Variants in TCERG1L observed in about 807,000 individuals in gnomAD.
The protein encoded by TCERG1L is transcription elongation regulator 1-like protein.
A neutral mutation model predicts 56.3 loss-of-function variants in TCERG1L; 37 were observed. The ratio of observed to expected loss-of-function variants is 0.66; its 90% CI spans 0.51 to 0.87. The LOEUF (loss-of-function observed/expected upper bound fraction) is 0.87. Among genes scored for constraint, TCERG1L ranks in the 40% least tolerant of loss-of-function variants. TCERG1L has a pLI of 0.00. For missense variants in TCERG1L, 799 were observed against 774.2 expected, an observed-to-expected ratio of 1.03 and a Z score of -0.38; for synonymous variants, 324 against 326.3, an observed-to-expected ratio of 0.99 and a Z score of 0.08.
At chr10:131,182,462 T>C (rs1466447879) in intron 4 of TCERG1L, among the ~76,000 whole-genome samples, 2 of 152,240 alleles carry the variant, frequency 1.3e-5, no homozygotes, top group African/African-American at 4.8e-5. Flanking sequence ...AAATCAGGAT[T>C]TGTGATAAAT....
chr10:131,166,937 G>T, intron 4 of TCERG1L, 52 bp from the exon 5 acceptor site: 1 of 1,533,262 alleles, frequency 6.5e-7, no homozygotes, highest in South Asian at 1.2e-5. Flanking sequence ...CAGTAGTTTG[G>T]AAAACCTAAG....
At chr10:131,282,460 C>A (rs80196203) in intron 3 of TCERG1L, among the ~76,000 whole-genome samples, 1 of 149,482 alleles carries the variant, frequency 6.7e-6, no homozygotes, top group African/African-American at 2.5e-5. Flanking sequence ...CTACAGAAAC[C>A]AGCGAAAGTA....
chr10:131,243,435 G>C (rs777035079), intron 4 of TCERG1L, among the ~76,000 whole-genome samples: 3 of 152,108 alleles, frequency 2.0e-5, no homozygotes, highest in Non-Finnish European at 4.4e-5. Context: ...ACAGAAATTA[G>C]CTCGGTGTAG....
chr10:131,294,064 T>C (rs767325651), intron 3 of TCERG1L, among the ~76,000 whole-genome samples: 5 of 152,202 alleles, frequency 3.3e-5, no homozygotes, highest in Non-Finnish European at 5.9e-5. Flanking sequence ...TTCTTTAACT[T>C]TTATTATGAA....
chr10:131,177,373 C>T (rs1326110914), intron 4 of TCERG1L, among the ~76,000 whole-genome samples: 6 of 152,286 alleles, frequency 3.9e-5, no homozygotes, highest in African/African-American at 1.4e-4. Context: ...GTCTGCTGCT[C>T]TGTGCCCTCC....
intron 4 of TCERG1L, among the ~76,000 whole-genome samples, chr10:131,193,710 T>C (rs1464215044): frequency 6.6e-6 from 1 of 152,252 alleles, no homozygotes; most frequent in Non-Finnish European, 1.5e-5. Context: ...GGTCTATTTT[T>C]GTACCAGTAC....
At chr10:131,142,444 A>G (rs1845748849) in intron 7 of TCERG1L, among the ~76,000 whole-genome samples, 1 of 152,234 alleles carries the variant, frequency 6.6e-6, no homozygotes, top group Non-Finnish European at 1.5e-5. Flanking sequence ...TACTCACCGG[A>G]CAATTTTACA....
At chr10:131,110,557 G>A (rs918991515) in intron 9 of TCERG1L, among the ~76,000 whole-genome samples, 6 of 152,350 alleles carry the variant, frequency 3.9e-5, no homozygotes, top group Non-Finnish European at 7.3e-5. Flanking sequence ...CCCGAGCCCA[G>A]CACTGTCCAC....
At chr10:131,209,409 T>C (rs1432953390) in intron 4 of TCERG1L, among the ~76,000 whole-genome samples, 1 of 152,230 alleles carries the variant, frequency 6.6e-6, no homozygotes, top group African/African-American at 2.4e-5. Flanking sequence ...TAAGGGGAAG[T>C]GGATACCTGT....
chr10:131,309,361 C>T (rs1846853642), intron 1 of TCERG1L, 62 bp from the exon 2 acceptor site: 2 of 1,539,552 alleles, frequency 1.3e-6, no homozygotes, highest in Non-Finnish European at 1.7e-6. Flanking sequence ...GACTTCATGC[C>T]AAAACATGCT....
intron 3 of TCERG1L, among the ~76,000 whole-genome samples, chr10:131,283,710 G>C (rs1218172388): frequency 6.6e-6 from 1 of 152,136 alleles, no homozygotes; most frequent in Non-Finnish European, 1.5e-5. Context: ...TAAAATAATT[G>C]TTGAAATGTA....
At chr10:131,242,493 C>T (rs1052459875) in intron 4 of TCERG1L, among the ~76,000 whole-genome samples, 11 of 152,258 alleles carry the variant, frequency 7.2e-5, no homozygotes, top group African/African-American at 2.6e-4. Context: ...GTGCGGGTTT[C>T]ACTCTGATAC....
chr10:131,308,704 ACTT>A (rs1408279080), intron 2 of TCERG1L, among the ~76,000 whole-genome samples: 1 of 152,234 alleles, frequency 6.6e-6, no homozygotes, highest in Non-Finnish European at 1.5e-5. Flanking sequence ...TCAATACTTT[ACTT>A]CTTTAGTTTC....
intron 4 of TCERG1L, among the ~76,000 whole-genome samples, chr10:131,248,126 TCA>T (rs1401092664): frequency 2.0e-5 from 3 of 150,520 alleles, no homozygotes; most frequent in Non-Finnish European, 3.0e-5. Context: ...ACTGGTAAAT[TCA>T]CACACACACG....
intron 10 of TCERG1L, among the ~76,000 whole-genome samples, chr10:131,098,662 T>A (rs2133378657): frequency 6.6e-6 from 1 of 152,300 alleles, no homozygotes; most frequent in East Asian, 1.9e-4. Context: ...AGGCGCCATT[T>A]CTGGGTCAAA....
chr10:131,301,213 G>T (rs1166611998), intron 3 of TCERG1L, among the ~76,000 whole-genome samples: 1 of 151,996 alleles, frequency 6.6e-6, no homozygotes, highest in East Asian at 1.9e-4. Flanking sequence ...TAGTCTTCAA[G>T]ACTGGGGGTT....
At chr10:131,219,550 C>T (rs1845707465) in intron 4 of TCERG1L, among the ~76,000 whole-genome samples, 1 of 152,208 alleles carries the variant, frequency 6.6e-6, no homozygotes, top group Admixed American at 6.5e-5. Context: ...ACAAAGGCCA[C>T]TCTGCAGTCC....
At chr10:131,310,768 G>A (rs1024773551) in intron 1 of TCERG1L, among the ~76,000 whole-genome samples, 3 of 152,212 alleles carry the variant, frequency 2.0e-5, no homozygotes, top group African/African-American at 4.8e-5. Flanking sequence ...GGATTTCCCG[G>A]CCACTTCCGT....
At chr10:131,178,145 C>T (rs7897497) in intron 4 of TCERG1L, among the ~76,000 whole-genome samples, 69,742 of 151,866 alleles carry the variant, frequency 0.46, 19,128 homozygotes, top group South Asian at 0.68. Context: ...CCCTGCTGAG[C>T]GCTCTGCAGG....
Sources: allele counts gnomAD v4.1 joint callset (sites outside exome capture counted in the v4.1 genomes callset), GRCh38; gene constraint gnomAD v4.1.1; transcripts MANE v1.5; gene names NCBI Gene and HGNC (gene_info 2026-07-23, HGNC 2026-07-21).